The following SLIT3 variants were observed in gnomAD, a reference collection of about 807,000 sequenced individuals.
The protein encoded by SLIT3 is slit guidance ligand 3.
In SLIT3, 68 loss-of-function variants were observed where a neutral mutation model predicts 184.0. That is an observed-to-expected ratio of 0.37 (90% CI 0.30 to 0.45). The LOEUF is 0.45. SLIT3 is among the 20% of genes least tolerant of loss of function. The pLI is 1.00. For missense variants in SLIT3, 1,707 were observed against 2,026.0 expected (o/e 0.84, Z 3.02); for synonymous variants, 831 against 828.6 (o/e 1.00, Z -0.05).
chr5:168,774,300 C>G lies in SLIT3; in HGVS notation c.1230G>C (p.Leu410=), dbSNP rs766620707. 2 of 1,614,082 alleles carry G rather than the reference C, an allele frequency of 1.2e-6. No individual in the cohort carries two copies. Among genetic ancestry groups the G allele is most frequent in the South Asian group, 1.1e-5 (1 of 91,070 alleles). ...QDLQNLNLLS[L]YDNKLQTISK... is the part of the protein sequence containing the mutation. ...TGATGGTCTGCAGCTTGTTGTCATA[C>G]AGGGAGAGCAAGTTGAGGTTCTGCA... The change falls in exon 13 of 36, where the codon CTG becomes CTC. Residue 410 remains leucine (L), a synonymous_variant. Transcript: ENST00000519560.
intron 5 of SLIT3, among the ~76,000 whole-genome samples, chr5:168,875,604 G>A (rs947116057): frequency 1.3e-5 from 2 of 151,316 alleles, no homozygotes; most frequent in Non-Finnish European, 1.5e-5. Context: ...ACTGCACCCC[G>A]GCCTGGGCAA....
intron 23 of SLIT3, among the ~76,000 whole-genome samples, chr5:168,716,569 G>A (rs926164373): frequency 5.2e-5 from 8 of 152,392 alleles, no homozygotes; most frequent in African/African-American, 1.9e-4. Flanking sequence ...CCCACATAGG[G>A]TAGAAGCCTG....
chr5:169,098,360 C>T (rs1172698907), intron 4 of SLIT3, among the ~76,000 whole-genome samples: 1 of 152,202 alleles, frequency 6.6e-6, no homozygotes, highest in African/African-American at 2.4e-5. Context: ...ATCATAAGCA[C>T]ATTTTTGGCC....
At chr5:168,850,757 C>T (rs1275083260) in intron 5 of SLIT3, among the ~76,000 whole-genome samples, 1 of 152,174 alleles carries the variant, frequency 6.6e-6, no homozygotes, top group African/African-American at 2.4e-5. Context: ...GATCATAATG[C>T]CGTTCAACAT....
chr5:169,161,600 A>T (rs551764615), intron 4 of SLIT3, among the ~76,000 whole-genome samples: 2 of 151,966 alleles, frequency 1.3e-5, no homozygotes, highest in African/African-American at 4.8e-5. Flanking sequence ...CCATACTGAT[A>T]TCAGAAGGGA....
intron 6 of SLIT3, among the ~76,000 whole-genome samples, chr5:168,835,155 C>A (rs995470450): frequency 6.6e-6 from 1 of 152,048 alleles, no homozygotes; most frequent in Non-Finnish European, 1.5e-5. Flanking sequence ...TAGCCACAGG[C>A]GGGCCCAGGG....
chr5:169,179,464 G>GAA (rs1471893379), intron 4 of SLIT3, among the ~76,000 whole-genome samples: 2 of 152,020 alleles, frequency 1.3e-5, no homozygotes, highest in Middle Eastern at 3.2e-3. Context: ...CCATTTCACT[G>GAA]TATCACAGAA....
At chr5:169,140,955 A>G (rs1581451223) in intron 4 of SLIT3, among the ~76,000 whole-genome samples, 2 of 152,272 alleles carry the variant, frequency 1.3e-5, no homozygotes, top group South Asian at 2.1e-4. Flanking sequence ...TCCAATCTCC[A>G]TCTTGTCATC....
At chr5:168,834,547 C>T (rs1412591829) in intron 6 of SLIT3, among the ~76,000 whole-genome samples, 1 of 151,390 alleles carries the variant, frequency 6.6e-6, no homozygotes, top group African/African-American at 2.4e-5. Context: ...CAAAAATCAG[C>T]CAGGTATGGT....
At chr5:169,258,640 T>C (rs144679982) in intron 1 of SLIT3, among the ~76,000 whole-genome samples, 1 of 152,338 alleles carries the variant, frequency 6.6e-6, no homozygotes, top group African/African-American at 2.4e-5. Context: ...ACTTGGAGCT[T>C]TGTGGTATTT....
chr5:168,768,933 C>T (rs566730899), intron 14 of SLIT3, among the ~76,000 whole-genome samples: 1 of 152,246 alleles, frequency 6.6e-6, no homozygotes, highest in South Asian at 2.1e-4. Flanking sequence ...GAGAGAAAGA[C>T]AGGAAAACAA....
At chr5:169,244,877 T>G in intron 2 of SLIT3, 101 bp from the exon 3 acceptor site, 1 of 942,404 alleles carries the variant, frequency 1.1e-6, no homozygotes, top group Non-Finnish European at 1.7e-6. Flanking sequence ...GCCCTTCCCA[T>G]GATCGTCAGT....
chr5:168,962,983 C>T lies in SLIT3; in HGVS notation c.414-79647G>A, dbSNP rs548050568. Among the ~76,000 whole-genome samples, 5 of 152,302 alleles carry T rather than the reference C, an allele frequency of 3.3e-5. No homozygotes were observed. The East Asian group carries it at 9.6e-4, about 29-fold the overall frequency. On this transcript the variant is annotated intron_variant, in intron 4 of 35. Transcript: ENST00000519560. Reference sequence around the variant, plus strand: ...CTCCCCGAAACTGTCCATCTCAGCACCCCATTTGTTTCTTTTATGGCAATG... The same window carrying T: ...CTCCCCGAAACTGTCCATCTCAGCATCCCATTTGTTTCTTTTATGGCAATG...
At chr5:169,268,646 C>T (rs1766486601) in intron 1 of SLIT3, among the ~76,000 whole-genome samples, 1 of 152,190 alleles carries the variant, frequency 6.6e-6, no homozygotes, top group Admixed American at 6.5e-5. Context: ...TAGCATCAGG[C>T]CTCCAGTCCC....
At chr5:168,700,013 G>A (rs1762168917) in intron 27 of SLIT3, among the ~76,000 whole-genome samples, 1 of 152,224 alleles carries the variant, frequency 6.6e-6, no homozygotes, top group African/African-American at 2.4e-5. Flanking sequence ...ACTCTAGGCA[G>A]AGGATTTGTC....
intron 3 of SLIT3, among the ~76,000 whole-genome samples, chr5:169,202,571 G>A (rs752830111): frequency 2.3e-4 from 35 of 152,144 alleles, no homozygotes; most frequent in Non-Finnish European, 4.0e-4. Flanking sequence ...TGGAGCCTTG[G>A]TTGACAGAAG....
chr5:169,160,384 CA>C (rs1458094090), intron 4 of SLIT3, among the ~76,000 whole-genome samples: 6 of 152,186 alleles, frequency 3.9e-5, no homozygotes, highest in Admixed American at 3.9e-4. Context: ...CCTTTATTTA[CA>C]GTGTAAATGA....
At chr5:169,254,121 AACTT>A (rs10606046) in intron 1 of SLIT3, among the ~76,000 whole-genome samples, 9,886 of 152,204 alleles carry the variant, frequency 0.065, 601 homozygotes, top group East Asian at 0.17. Context: ...GAGTTTGAGT[AACTT>A]ACTTACATTC....
intron 1 of SLIT3, among the ~76,000 whole-genome samples, chr5:169,296,533 C>A (rs1767506097): frequency 6.6e-6 from 1 of 152,182 alleles, no homozygotes; most frequent in Non-Finnish European, 1.5e-5. Context: ...CCCAGAGAGA[C>A]CCCATGATTC....
Sources: gnomAD v4.1 joint callset for allele counts (sites outside exome capture counted in the v4.1 genomes callset) on GRCh38, gnomAD v4.1.1 for gene constraint, MANE v1.5 for transcripts, NCBI Gene and HGNC (gene_info 2026-07-23, HGNC 2026-07-21) for gene names.